Variants in SLC4A10 observed in about 807,000 individuals in gnomAD.
SLC4A10 encodes solute carrier family 4 member 10, also known as sodium-driven chloride bicarbonate exchanger.
A neutral mutation model predicts 137.7 loss-of-function variants in SLC4A10; 42 were observed. The observed-to-expected ratio is 0.30, with a 90% CI of 0.24 to 0.39. The LOEUF is 0.39. SLC4A10 is among the 10% of genes least tolerant of loss of function. The pLI, the probability that SLC4A10 is intolerant of heterozygous loss-of-function variation, is 1.00. For missense variants in SLC4A10, 925 were observed against 1,355.0 expected, an observed-to-expected ratio of 0.68 and a Z score of 4.98; for synonymous variants, 474 against 464.1, an observed-to-expected ratio of 1.02 and a Z score of -0.27.
intron 19 of SLC4A10, among the ~76,000 whole-genome samples, chr2:161,952,446 A>G (rs1034734252): frequency 1.3e-5 from 2 of 152,190 alleles, no homozygotes; most frequent in Non-Finnish European, 2.9e-5. Flanking sequence ...AAGTACTTGC[A>G]TTTATAGAAT....
At chr2:161,776,185 A>G (rs2052307720) in intron 2 of SLC4A10, among the ~76,000 whole-genome samples, 1 of 151,908 alleles carries the variant, frequency 6.6e-6, no homozygotes, top group African/African-American at 2.4e-5. Flanking sequence ...GGTCTTTAAA[A>G]GCAGCAGAAC....
At chr2:161,808,943 C>T (rs1378659978) in intron 3 of SLC4A10, among the ~76,000 whole-genome samples, 1 of 152,116 alleles carries the variant, frequency 6.6e-6, no homozygotes, top group Non-Finnish European at 1.5e-5. Context: ...AATGGGATTG[C>T]TGGGTTGAAT....
rs566521207 is a variant in SLC4A10, at chr2:161,809,336, G to T, written c.277+4741G>T. Among the ~76,000 whole-genome samples, 5 of 152,038 alleles carry T rather than the reference G, an allele frequency of 3.3e-5. No individual in the cohort carries two copies. In the South Asian group the frequency reaches 1.0e-3, roughly 32 times the overall value. On this transcript the variant is annotated intron_variant, in intron 3 of 26. Transcript: ENST00000446997. Reference sequence around the variant, plus strand: ...TTTTCTCCCATTCTGTAAGCTATCTGTTTAGACTATTGAGATTTGCTGTGC... The same window carrying T: ...TTTTCTCCCATTCTGTAAGCTATCTTTTTAGACTATTGAGATTTGCTGTGC...
chr2:161,789,087 C>T (rs1053171119), intron 2 of SLC4A10, among the ~76,000 whole-genome samples: 1 of 152,160 alleles, frequency 6.6e-6, no homozygotes, highest in Non-Finnish European at 1.5e-5. Flanking sequence ...AGGGCACTGG[C>T]CCACAATGAG....
At chr2:161,851,988 C>T (rs1451787244) in intron 4 of SLC4A10, among the ~76,000 whole-genome samples, 3 of 152,174 alleles carry the variant, frequency 2.0e-5, no homozygotes, top group African/African-American at 7.2e-5. Context: ...CTCCTGGGCT[C>T]AAGCAATCCT....
At chr2:161,746,396 C>T (rs1444408344) in intron 1 of SLC4A10, among the ~76,000 whole-genome samples, 1 of 151,794 alleles carries the variant, frequency 6.6e-6, no homozygotes, top group African/African-American at 2.4e-5. Context: ...GACTACTGCA[C>T]GACTACTGCT....
At chr2:161,956,950 G>T in intron 19 of SLC4A10, 39 bp from the exon 20 acceptor site, 1 of 1,531,258 alleles carries the variant, frequency 6.5e-7, no homozygotes, top group South Asian at 1.2e-5. Flanking sequence ...CCCTGTTATT[G>T]ACACAGTTTC....
intron 8 of SLC4A10, among the ~76,000 whole-genome samples, chr2:161,876,839 C>T (rs948896395): frequency 2.6e-5 from 4 of 151,722 alleles, no homozygotes; most frequent in Non-Finnish European, 5.9e-5. Flanking sequence ...AATATATAAT[C>T]GATTACTTCC....
chr2:161,978,678 C>T (rs1458176349), intron 26 of SLC4A10, among the ~76,000 whole-genome samples: 3 of 152,132 alleles, frequency 2.0e-5, no homozygotes, highest in African/African-American at 7.2e-5. Flanking sequence ...TCTTCATCCC[C>T]GAAGCTGGGA....
chr2:161,685,228 G>A (rs2041255699), intron 1 of SLC4A10, among the ~76,000 whole-genome samples: 1 of 152,094 alleles, frequency 6.6e-6, no homozygotes, highest in African/African-American at 2.4e-5. Context: ...TATTTAGTAT[G>A]CTCTAGACCC....
chr2:161,909,267 G>C (rs1685246681), intron 15 of SLC4A10, among the ~76,000 whole-genome samples: 1 of 152,032 alleles, frequency 6.6e-6, no homozygotes, highest in Admixed American at 6.6e-5. Flanking sequence ...AAAAAGAGGA[G>C]TGACAGAGGT....
intron 1 of SLC4A10, among the ~76,000 whole-genome samples, chr2:161,625,066 CGTGT>C (rs5835872): frequency 0.027 from 3,857 of 144,234 alleles, 66 homozygotes; most frequent in Non-Finnish European, 0.026. Flanking sequence ...ACAGAAGGAT[CGTGT>C]GTGTGTGTGT....
intron 1 of SLC4A10, among the ~76,000 whole-genome samples, chr2:161,732,779 C>T (rs1399647557): frequency 6.6e-6 from 1 of 152,160 alleles, no homozygotes; most frequent in African/African-American, 2.4e-5. Context: ...GCCCAAAATG[C>T]TGATAGCAAT....
At chr2:161,906,188 T>C (rs1305422499) in intron 15 of SLC4A10, among the ~76,000 whole-genome samples, 1 of 152,224 alleles carries the variant, frequency 6.6e-6, no homozygotes, top group Non-Finnish European at 1.5e-5. Flanking sequence ...GAATTTTACC[T>C]TAGCGAAATA....
intron 10 of SLC4A10, among the ~76,000 whole-genome samples, chr2:161,885,232 A>G (rs976482223): frequency 6.6e-6 from 1 of 152,066 alleles, no homozygotes; most frequent in Admixed American, 6.6e-5. Context: ...AGAAAAGAAC[A>G]ATTGTACTCA....
chr2:161,762,262 T>G (rs890008818), intron 1 of SLC4A10, among the ~76,000 whole-genome samples: 1 of 152,038 alleles, frequency 6.6e-6, no homozygotes, highest in South Asian at 2.1e-4. Context: ...AGAATAAATA[T>G]GAGTTTAAAA....
chr2:161,943,893 G>A (rs545771404), intron 16 of SLC4A10, among the ~76,000 whole-genome samples: 152 of 151,988 alleles, frequency 1.0e-3, no homozygotes, highest in African/African-American at 3.5e-3. Flanking sequence ...TTCTTGTAAA[G>A]AGCATATGAT....
intron 16 of SLC4A10, among the ~76,000 whole-genome samples, chr2:161,943,728 C>T (rs946601771): frequency 5.9e-5 from 9 of 151,948 alleles, no homozygotes; most frequent in Admixed American, 5.3e-4. Flanking sequence ...ACCACTTTAC[C>T]TACCCATATA....
chr2:161,735,698 G>A (rs1343637080), intron 1 of SLC4A10, among the ~76,000 whole-genome samples: 6 of 152,082 alleles, frequency 3.9e-5, no homozygotes, highest in Non-Finnish European at 8.8e-5. Context: ...TCGTAGAATG[G>A]CCAGGAACCA....
Sources: allele counts gnomAD v4.1 joint callset (sites outside exome capture counted in the v4.1 genomes callset), GRCh38; gene constraint gnomAD v4.1.1; transcripts MANE v1.5; gene names NCBI Gene and HGNC (gene_info 2026-07-23, HGNC 2026-07-21).